The following RAB27A variants were observed in gnomAD, a reference collection of about 807,000 sequenced individuals.
RAB27A encodes the protein RAB27A, member RAS oncogene family.
In RAB27A, 17 loss-of-function variants were observed where a neutral mutation model predicts 20.8. The observed-to-expected ratio is 0.82, with a 90% CI of 0.56 to 1.23. RAB27A has a LOEUF of 1.23. Among genes scored for constraint, RAB27A ranks in the 50% most tolerant of loss-of-function variants. The pLI, the probability that RAB27A is intolerant of heterozygous loss-of-function variation, is 0.00. For missense variants in RAB27A, 277 were observed against 266.7 expected (o/e 1.04, Z -0.27); for synonymous variants, 85 against 92.8 (o/e 0.92, Z 0.48).
At chr15:55,214,581 C>T (rs1354259602) in intron 6 of RAB27A, among the ~76,000 whole-genome samples, 2 of 152,228 alleles carry the variant, frequency 1.3e-5, no homozygotes, top group African/African-American at 2.4e-5. Flanking sequence ...TTTCCTGACT[C>T]TAAAATATCT....
At chr15:55,244,087 G>C (rs566373729) in intron 2 of RAB27A, among the ~76,000 whole-genome samples, 1 of 152,102 alleles carries the variant, frequency 6.6e-6, no homozygotes, top group Non-Finnish European at 1.5e-5. Flanking sequence ...GATCACTTGA[G>C]GTCACGAGTT....
chr15:55,234,272 A>C (rs1357168698), intron 3 of RAB27A, among the ~76,000 whole-genome samples: 1 of 152,214 alleles, frequency 6.6e-6, no homozygotes, highest in Non-Finnish European at 1.5e-5. Context: ...TCCCTTCAAC[A>C]TTCTGCAGAA....
In RAB27A at chr15:55,276,983, A is replaced by G. The variant is rs576379145; in HGVS notation, c.-142-6699T>C. On this transcript the variant is annotated intron_variant, in intron 1 of 6. Coordinates refer to ENST00000336787, the MANE Select transcript of RAB27A (RefSeq NM_183235.3). Reference sequence around the variant, plus strand: ...ATATGTACAGACTTTTTATCTGTCAATAATACCTCCCATAAAGTAGTTTTT... The same window carrying G: ...ATATGTACAGACTTTTTATCTGTCAGTAATACCTCCCATAAAGTAGTTTTT... Among the ~76,000 whole-genome samples, 329 of 152,330 alleles carry G rather than the reference A, an allele frequency of 2.2e-3. 3 individuals are homozygous for G. The highest frequency in any genetic ancestry group is 7.6e-3 in the African/African-American group (316 of 41,574).
chr15:55,212,206 T>G (rs1186087268), intron 6 of RAB27A, among the ~76,000 whole-genome samples: 2 of 152,168 alleles, frequency 1.3e-5, no homozygotes, highest in East Asian at 3.9e-4. Context: ...CACAAATGAT[T>G]AAACTAAGGC....
intron 2 of RAB27A, among the ~76,000 whole-genome samples, chr15:55,255,084 C>T (rs1279191118): frequency 2.0e-5 from 3 of 152,210 alleles, no homozygotes; most frequent in Non-Finnish European, 4.4e-5. Flanking sequence ...CTTCTGACTG[C>T]CAGGGCTCAG....
chr15:55,269,233 G>C (rs62018096), intron 2 of RAB27A, among the ~76,000 whole-genome samples: 1 of 152,122 alleles, frequency 6.6e-6, no homozygotes, highest in Non-Finnish European at 1.5e-5. Context: ...ACAATATCCA[G>C]AAGTAGAATT....
At chr15:55,262,032 A>G (rs956685913) in intron 2 of RAB27A, among the ~76,000 whole-genome samples, 2 of 149,684 alleles carry the variant, frequency 1.3e-5, no homozygotes, top group Admixed American at 1.3e-4. Context: ...GCGAGACTCC[A>G]TCCCAAAAAA....
At chr15:55,235,246 G>A (rs55649971) in intron 2 of RAB27A, among the ~76,000 whole-genome samples, 6,917 of 152,002 alleles carry the variant, frequency 0.046, 543 homozygotes, top group African/African-American at 0.16. Context: ...TTGGGAATTC[G>A]AGACCAGCCT....
At chr15:55,266,310 C>T (rs753660575) in intron 2 of RAB27A, among the ~76,000 whole-genome samples, 46 of 152,192 alleles carry the variant, frequency 3.0e-4, no homozygotes, top group Non-Finnish European at 5.4e-4. Context: ...GACTTTCAGC[C>T]TCTAGAACAA....
chr15:55,212,295 C>T (rs573456904), intron 6 of RAB27A, among the ~76,000 whole-genome samples: 3 of 152,166 alleles, frequency 2.0e-5, no homozygotes, highest in Non-Finnish European at 4.4e-5. Flanking sequence ...CAGCTAATTC[C>T]AATGCAGCCA....
chr15:55,248,111 TC>T (rs1331475483), intron 2 of RAB27A, among the ~76,000 whole-genome samples: 1 of 152,050 alleles, frequency 6.6e-6, no homozygotes, highest in Non-Finnish European at 1.5e-5. Context: ...CAGGCACTAA[TC>T]ACATTTAAGC....
intron 1 of RAB27A, among the ~76,000 whole-genome samples, chr15:55,276,509 G>A (rs1393118137): frequency 6.6e-6 from 1 of 152,152 alleles, no homozygotes; most frequent in South Asian, 2.1e-4. Flanking sequence ...CTTCAAGGCT[G>A]CAGTGAGCTA....
chr15:55,221,105 G>A (rs1288401883), intron 6 of RAB27A, among the ~76,000 whole-genome samples: 4 of 152,136 alleles, frequency 2.6e-5, no homozygotes, highest in Non-Finnish European at 5.9e-5. Flanking sequence ...CAGAAGGCAG[G>A]GTTAGGCTCT....
At chr15:55,210,621 G>A (rs987317599) in intron 6 of RAB27A, among the ~76,000 whole-genome samples, 3 of 151,798 alleles carry the variant, frequency 2.0e-5, no homozygotes, top group Non-Finnish European at 4.4e-5. Flanking sequence ...CAGATTATTT[G>A]TTTTTGCTAT....
chr15:55,317,853 G>A (rs1005539931), intron 1 of RAB27A: 5 of 395,304 alleles, frequency 1.3e-5, no homozygotes, highest in African/African-American at 1.0e-4. Context: ...CCACACCCAG[G>A]AAATCTCTTC....
chr15:55,272,755 T>C (rs1897746314), intron 1 of RAB27A, among the ~76,000 whole-genome samples: 1 of 152,178 alleles, frequency 6.6e-6, no homozygotes, highest in Non-Finnish European at 1.5e-5. Flanking sequence ...GATCAGGTAG[T>C]GGAAGCAACA....
rs561604711 is a variant in RAB27A, at chr15:55,257,610, T to C, written c.-23+12555A>G. On this transcript the variant is annotated intron_variant, in intron 2 of 6. Transcript: ENST00000336787. ...AGATGTCCTGCACAGCATTCACTCCTCTTAGGAGCCTGCAATAGGCACCTC... is the reference window on the plus strand; with the variant it reads ...AGATGTCCTGCACAGCATTCACTCCCCTTAGGAGCCTGCAATAGGCACCTC... Among the ~76,000 whole-genome samples, 2 of 152,326 alleles carry C rather than the reference T, an allele frequency of 1.3e-5. 1 individual carries two copies. Among genetic ancestry groups the C allele is most frequent in the Admixed American group, 1.3e-4 (2 of 15,302 alleles).
chr15:55,272,772 T>C (rs746181892), intron 1 of RAB27A, among the ~76,000 whole-genome samples: 1 of 152,090 alleles, frequency 6.6e-6, no homozygotes, highest in Non-Finnish European at 1.5e-5. Flanking sequence ...AACAAAATGG[T>C]AGAAGCTACA....
At chr15:55,227,490 C>G (rs754566479) in intron 5 of RAB27A, among the ~76,000 whole-genome samples, 7 of 152,096 alleles carry the variant, frequency 4.6e-5, no homozygotes, top group African/African-American at 9.7e-5. Flanking sequence ...GTAAGCATTA[C>G]TATATTTGGG....
Sources: gnomAD v4.1 joint callset for allele counts (sites outside exome capture counted in the v4.1 genomes callset) on GRCh38, gnomAD v4.1.1 for gene constraint, MANE v1.5 for transcripts, NCBI Gene and HGNC (gene_info 2026-07-23, HGNC 2026-07-21) for gene names.